GRM1: variants seen among roughly 807,000 people sequenced by gnomAD.
GRM1 encodes glutamate metabotropic receptor 1, also known as metabotropic glutamate receptor 1.
A neutral mutation model predicts 90.9 loss-of-function variants in GRM1; 33 were observed. The observed-to-expected ratio is 0.36, with a 90% CI of 0.28 to 0.49. The LOEUF (loss-of-function observed/expected upper bound fraction) is 0.49. Ranked by LOEUF, GRM1 falls within the 20% of genes least tolerant of loss-of-function variation. GRM1 has a pLI of 0.99. For synonymous variants in GRM1, 700 were observed against 613.2 expected, an observed-to-expected ratio of 1.14 and a Z score of -2.09; for missense variants, 1,190 against 1,534.3, an observed-to-expected ratio of 0.78 and a Z score of 3.75.
intron 2 of GRM1, among the ~76,000 whole-genome samples, chr6:146,241,156 G>T (rs187619747): frequency 2.6e-5 from 4 of 152,202 alleles, no homozygotes; most frequent in African/African-American, 9.6e-5. Context: ...CTCATTACAC[G>T]ATTGAGATTT....
At chr6:146,053,225 A>G (rs1302453577) in intron 1 of GRM1, among the ~76,000 whole-genome samples, 1 of 152,124 alleles carries the variant, frequency 6.6e-6, no homozygotes, top group Non-Finnish European at 1.5e-5. Context: ...TTTCTTTTAA[A>G]TCATTCACTT....
At chr6:146,220,503 C>G (rs1162205504) in intron 2 of GRM1, among the ~76,000 whole-genome samples, 1 of 152,080 alleles carries the variant, frequency 6.6e-6, no homozygotes, top group Non-Finnish European at 1.5e-5. Flanking sequence ...AATTTAATGT[C>G]ATGTTTTACT....
chr6:146,277,744 C>T (rs1782426217), intron 2 of GRM1, among the ~76,000 whole-genome samples: 1 of 152,086 alleles, frequency 6.6e-6, no homozygotes, highest in Non-Finnish European at 1.5e-5. Flanking sequence ...GTTCAAGTCT[C>T]ATGAGTGATT....
At chr6:146,142,927 C>T (rs1463280819) in intron 1 of GRM1, among the ~76,000 whole-genome samples, 2 of 152,166 alleles carry the variant, frequency 1.3e-5, no homozygotes, top group Admixed American at 6.5e-5. Flanking sequence ...ACACAATGTC[C>T]TCTTCACTTT....
chr6:146,434,529 C>T lies in GRM1; in HGVS notation c.3318C>T (p.Leu1106=), dbSNP rs368964048. The change falls in exon 8 of 8, where the codon CTC becomes CTT. Residue 1106 remains leucine, a synonymous_variant. Coordinates refer to ENST00000282753, the MANE Select transcript of GRM1 (RefSeq NM_001278064.2). ...ACGACAGCGAGAGGTTTAAGCTCCT[C>T]CAGGAGTACGTGTATGAGCACGAGC... ...DDDDSERFKL[L]QEYVYEHERE... is the part of the protein sequence containing the mutation. 5.0e-6 allele frequency: 8 copies of T among 1,613,978 alleles called. No individual in the cohort carries two copies. Among genetic ancestry groups the T allele is most frequent in the Non-Finnish European group, 6.8e-6 (8 of 1,179,992 alleles).
intron 1 of GRM1, among the ~76,000 whole-genome samples, chr6:146,130,858 G>A (rs1257126074): frequency 6.6e-6 from 1 of 152,096 alleles, no homozygotes; most frequent in Non-Finnish European, 1.5e-5. Flanking sequence ...ATATATGCAC[G>A]AAAATTTATC....
chr6:146,341,351 C>T (rs1021878477), intron 3 of GRM1, among the ~76,000 whole-genome samples: 22 of 152,140 alleles, frequency 1.4e-4, no homozygotes, highest in Non-Finnish European at 2.4e-4. Context: ...TACAGCGAAG[C>T]GGTAGAGGGA....
intron 1 of GRM1, among the ~76,000 whole-genome samples, chr6:146,131,759 G>C (rs1776406299): frequency 2.6e-5 from 4 of 152,156 alleles, no homozygotes; most frequent in Non-Finnish European, 5.9e-5. Flanking sequence ...TCTTTAGAAA[G>C]TGCACACACC....
chr6:146,258,040 G>A (rs1208675344), intron 2 of GRM1, among the ~76,000 whole-genome samples: 1 of 151,878 alleles, frequency 6.6e-6, no homozygotes, highest in Non-Finnish European at 1.5e-5. Flanking sequence ...TTTAGTAGCA[G>A]AATTAACTAA....
intron 5 of GRM1, chr6:146,364,919 C>G (rs980440938): frequency 6.6e-6 from 1 of 152,066 alleles, no homozygotes; most frequent in Non-Finnish European, 1.5e-5. Context: ...CATCTTCAGC[C>G]GTAACTGTCA....
intron 2 of GRM1, among the ~76,000 whole-genome samples, chr6:146,178,728 T>C (rs1162537543): frequency 6.6e-6 from 1 of 152,198 alleles, no homozygotes; most frequent in Non-Finnish European, 1.5e-5. Context: ...CATCTAATTT[T>C]TATGTATTTT....
chr6:146,257,987 T>TAA lies in GRM1; in HGVS notation c.951-46612_951-46611dup, dbSNP rs11419823. On this transcript the variant is annotated intron_variant, in intron 2 of 7. Transcript: ENST00000282753. ...CACTTTCCATCCGTTTGTTCTTCCG[T>TAA]AAAAAAAAAAAAATAGTTTTTTTCT... 6.4e-3 allele frequency among the ~76,000 whole-genome samples: 950 copies of TAA among 147,804 alleles called. 9 individuals are homozygous for TAA. The highest frequency in any genetic ancestry group is 0.016 in the African/African-American group (664 of 40,302).
chr6:146,033,289 G>A (rs12196298), intron 1 of GRM1, among the ~76,000 whole-genome samples: 14,264 of 152,110 alleles, frequency 0.094, 808 homozygotes, highest in Non-Finnish European at 0.12. Context: ...TAAGTATATA[G>A]TAGAGAAATA....
intron 2 of GRM1, among the ~76,000 whole-genome samples, chr6:146,223,783 A>G (rs1197765336): frequency 6.6e-6 from 1 of 152,164 alleles, no homozygotes; most frequent in Non-Finnish European, 1.5e-5. Flanking sequence ...TTACATTTGC[A>G]GTCTTCATAC....
At chr6:146,179,323 G>T (rs967991043) in intron 2 of GRM1, among the ~76,000 whole-genome samples, 2 of 152,142 alleles carry the variant, frequency 1.3e-5, no homozygotes, top group African/African-American at 2.4e-5. Flanking sequence ...TTTTGAGCTT[G>T]CAGAGAGATG....
At chr6:146,317,580 C>T (rs944819611) in intron 3 of GRM1, among the ~76,000 whole-genome samples, 18 of 152,210 alleles carry the variant, frequency 1.2e-4, no homozygotes, top group African/African-American at 4.3e-4. Context: ...TATACTGTGA[C>T]AAGAAATTAA....
At chr6:146,430,361 C>T (rs187430930) in intron 7 of GRM1, among the ~76,000 whole-genome samples, 3 of 152,296 alleles carry the variant, frequency 2.0e-5, no homozygotes, top group African/African-American at 7.2e-5. Context: ...TGTTTTCCTC[C>T]AATTGAGCCA....
chr6:146,366,199 T>A (rs1320092439), intron 5 of GRM1, among the ~76,000 whole-genome samples: 1 of 152,166 alleles, frequency 6.6e-6, no homozygotes, highest in African/African-American at 2.4e-5. Flanking sequence ...ATGCTCTCCA[T>A]AGGCATTTTT....
At position 146,434,962 on chromosome 6, in the gene GRM1, G is replaced by A. The variant is rs546778421; in HGVS notation, c.*166G>A. 1.9e-5 allele frequency: 13 copies of A among 690,454 alleles called. No individual in the cohort carries two copies. In the South Asian group the frequency reaches 2.1e-4, roughly 11 times the overall value. The allele number at this position is 690,454 out of a possible 1,614,324, so 42.8% of individuals were successfully genotyped here. ...CTGCTGCTGCTGCCTTAAGTAGGAA[G>A]AGAGGGAAGGACACCAAGCAAAAAA... On this transcript the variant is annotated 3_prime_UTR_variant, in exon 8 of 8. Transcript: ENST00000282753.
Sources: gnomAD v4.1 joint callset for allele counts (sites outside exome capture counted in the v4.1 genomes callset) on GRCh38, gnomAD v4.1.1 for gene constraint, MANE v1.5 for transcripts, NCBI Gene and HGNC (gene_info 2026-07-23, HGNC 2026-07-21) for gene names.